Variants in ITGB1BP1 observed in about 807,000 individuals in gnomAD.
ITGB1BP1 encodes integrin beta-1-binding protein 1.
ITGB1BP1 carries 20 observed loss-of-function variants against 28.0 expected under a neutral mutation model. The observed-to-expected ratio is 0.71, with a 90% CI of 0.50 to 1.04. The LOEUF (loss-of-function observed/expected upper bound fraction) is 1.04, where lower values mean the gene tolerates loss of function less well. ITGB1BP1 is among the 50% of genes least tolerant of loss of function. The pLI is 0.00. For synonymous variants in ITGB1BP1, 103 were observed against 89.5 expected (o/e 1.15, Z -0.85); for missense variants, 228 against 242.5 (o/e 0.94, Z 0.40).
intron 4 of ITGB1BP1, among the ~76,000 whole-genome samples, chr2:9,410,750 T>TC (rs1396270834): frequency 6.6e-6 from 1 of 151,976 alleles, no homozygotes; most frequent in African/African-American, 2.4e-5. Flanking sequence ...ATTAAAATTG[T>TC]TTTTTTTGTA....
At chr2:9,407,993 G>C (rs1208981092) in intron 5 of ITGB1BP1, 120 bp downstream of exon 5, 6 of 653,902 alleles carry the variant, frequency 9.2e-6, no homozygotes, top group Non-Finnish European at 1.6e-5. Context: ...CCAACTGCCA[G>C]GAATGTTTAC....
At chr2:9,411,837 G>A (rs1210230062) in intron 4 of ITGB1BP1, among the ~76,000 whole-genome samples, 1 of 152,052 alleles carries the variant, frequency 6.6e-6, no homozygotes, top group Non-Finnish European at 1.5e-5. Context: ...GAGGTCGGGA[G>A]TTCAAGACCA....
chr2:9,412,068 C>A (rs1453284055), intron 4 of ITGB1BP1: 4 of 472,630 alleles, frequency 8.5e-6, no homozygotes, highest in South Asian at 3.4e-5. Flanking sequence ...AAAAAAGTAC[C>A]GTGTTTGAAG....
At chr2:9,416,315 T>C (rs1679123470) in intron 2 of ITGB1BP1, among the ~76,000 whole-genome samples, 1 of 152,194 alleles carries the variant, frequency 6.6e-6, no homozygotes, top group Non-Finnish European at 1.5e-5. Flanking sequence ...CTTGGTCAAA[T>C]ACAAGTCTAG....
intron 3 of ITGB1BP1, 124 bp from the exon 4 acceptor site, chr2:9,412,529 A>G: frequency 1.3e-6 from 1 of 744,468 alleles, no homozygotes; most frequent in Non-Finnish European, 2.1e-6. Context: ...CAAATTTTAT[A>G]ATACACAATA....
chr2:9,410,905 G>A lies in ITGB1BP1; in HGVS notation c.288+1364C>T, dbSNP rs1167641271. 2.0e-5 allele frequency among the ~76,000 whole-genome samples: 3 copies of A among 152,152 alleles called. No homozygotes were observed. The East Asian group carries it at 5.8e-4, about 29-fold the overall frequency. On this transcript the variant is annotated intron_variant, in intron 4 of 6. Coordinates refer to ENST00000355346, the MANE Select transcript of ITGB1BP1 (RefSeq NM_004763.5). ...GCTGTATTTCATATTCTCATTCTCT[G>A]TGATTTAAGAGAGTACACATTCTTA...
chr2:9,420,960 T>C (rs1211094218), intron 1 of ITGB1BP1, among the ~76,000 whole-genome samples: 1 of 152,158 alleles, frequency 6.6e-6, no homozygotes, highest in Non-Finnish European at 1.5e-5. Flanking sequence ...AAGGGGAACC[T>C]TACCAGCACA....
chr2:9,407,896 G>A (rs112670260), intron 5 of ITGB1BP1: 433 of 533,084 alleles, frequency 8.1e-4, no homozygotes, highest in African/African-American at 7.8e-3. Flanking sequence ...GTGTTTGGGG[G>A]TGGGGGGGGC....
In ITGB1BP1 at chr2:9,406,785, A is replaced by G. The variant is rs1478792806; in HGVS notation, c.*49T>C. ...CATAACATTTCAGCATTGCAGTTTG[A>G]AAACAGCTGAACTTTCAGATGAAGT... On this transcript the variant is annotated 3_prime_UTR_variant, in exon 7 of 7. Transcript: ENST00000355346. 1 of 1,289,444 alleles carries G rather than the reference A, an allele frequency of 7.8e-7. No homozygotes were observed. The highest frequency in any genetic ancestry group is 1.1e-6 in the Non-Finnish European group (1 of 883,408). 79.9% of individuals were successfully genotyped at this position (1,289,444 alleles called of 1,614,324 possible).
At position 9,415,450 on chromosome 2, in the gene ITGB1BP1, A is replaced by G. The variant is rs1679003313; in HGVS notation, c.73-1194T>C. ...ACAAAAATTAGCCAGGCTTGGTGGCACATGCCTGTAGTCCCAGCTATTTGG... is the reference window on the plus strand; with the variant it reads ...ACAAAAATTAGCCAGGCTTGGTGGCGCATGCCTGTAGTCCCAGCTATTTGG... On this transcript the variant is annotated intron_variant, in intron 2 of 6. Coordinates refer to ENST00000355346, the MANE Select transcript of ITGB1BP1 (RefSeq NM_004763.5). The surrounding 1 kb of genome is among the most constrained non-coding windows in gnomAD (Gnocchi z 4.1). Among the ~76,000 whole-genome samples, 2 of 151,798 alleles carry G rather than the reference A, an allele frequency of 1.3e-5. No homozygotes were observed. The highest frequency in any genetic ancestry group is 4.8e-5 in the African/African-American group (2 of 41,322).
At chr2:9,407,181 C>T (rs1321290464) in intron 6 of ITGB1BP1, 7 of 599,722 alleles carry the variant, frequency 1.2e-5, no homozygotes, top group South Asian at 1.0e-4. Flanking sequence ...AAGAAGCCTT[C>T]GGCCCCTGGA....
chr2:9,417,613 T>A (rs1341812598), intron 2 of ITGB1BP1, among the ~76,000 whole-genome samples: 1 of 152,082 alleles, frequency 6.6e-6, no homozygotes, highest in Non-Finnish European at 1.5e-5. Context: ...GAGATGGGGT[T>A]TCACCATGTT....
At chr2:9,409,841 C>CTTTTTTT (rs1036594187) in intron 4 of ITGB1BP1, among the ~76,000 whole-genome samples, 3 of 123,172 alleles carry the variant, frequency 2.4e-5, no homozygotes, top group Non-Finnish European at 5.1e-5. Flanking sequence ...ACCGTGAGTT[C>CTTTTTTT]TTTTTTTTTT....
rs1343719157 is a variant in ITGB1BP1, at chr2:9,420,061, C to T, written c.-35-1329G>A. 4 of 984,426 alleles carry T rather than the reference C, an allele frequency of 4.1e-6. No individual in the cohort carries two copies. The African/African-American group carries it at 5.2e-5, about 13-fold the overall frequency. 61.0% of individuals were successfully genotyped at this position (984,426 alleles called of 1,614,324 possible). A position where few individuals can be genotyped will look rare whatever the true frequency, so the allele number is the denominator to read the frequency against. On this transcript the variant is annotated intron_variant, in intron 1 of 6. Transcript: ENST00000355346. ...GCGGTCTGCACAGAGAGTTTCCTTT[C>T]ATTCTGACCTGGGTGATGCTTTTCA...
chr2:9,419,835 C>T (rs549568698), intron 1 of ITGB1BP1, among the ~76,000 whole-genome samples: 33 of 152,306 alleles, frequency 2.2e-4, no homozygotes, highest in African/African-American at 7.9e-4. Context: ...GCTCTAAGCT[C>T]TCCCTCAAGG....
intron 1 of ITGB1BP1, among the ~76,000 whole-genome samples, chr2:9,421,317 C>A (rs182682937): frequency 6.6e-6 from 1 of 152,148 alleles, no homozygotes; most frequent in Non-Finnish European, 1.5e-5. Context: ...ATCAACCCAG[C>A]GGCTTAGGAA....
chr2:9,418,930 T>A (rs1177025594), intron 1 of ITGB1BP1, among the ~76,000 whole-genome samples, 198 bp from the exon 2 acceptor site: 3 of 152,142 alleles, frequency 2.0e-5, no homozygotes, highest in African/African-American at 7.2e-5. Flanking sequence ...CTAATTTCAT[T>A]TTTTGTAGAG....
chr2:9,412,596 T>TTA (rs1412937136), intron 3 of ITGB1BP1, 191 bp from the exon 4 acceptor site: 1 of 542,690 alleles, frequency 1.8e-6, no homozygotes, highest in Non-Finnish European at 3.2e-6. Flanking sequence ...CAGTGACTCA[T>TTA]GGTATACTAA....
At chr2:9,420,591 G>C (rs2148914768) in intron 1 of ITGB1BP1, among the ~76,000 whole-genome samples, 1 of 152,284 alleles carries the variant, frequency 6.6e-6, no homozygotes, top group African/African-American at 2.4e-5. Context: ...AAGAAGTGCG[G>C]GCAGCCATAA....
Sources: allele counts gnomAD v4.1 joint callset (sites outside exome capture counted in the v4.1 genomes callset), GRCh38; gene constraint gnomAD v4.1.1; non-coding constraint Gnocchi (gnomAD v3.1); transcripts MANE v1.5; gene names NCBI Gene and HGNC (gene_info 2026-07-23, HGNC 2026-07-21).